ATP6V0A1: variants seen among roughly 807,000 people sequenced by gnomAD.
The protein encoded by ATP6V0A1 is ATPase H+ transporting V0 subunit a1.
A neutral mutation model predicts 105.4 loss-of-function variants in ATP6V0A1; 43 were observed. The observed-to-expected ratio is 0.41, with a 90% confidence interval of 0.32 to 0.53. ATP6V0A1 has a LOEUF of 0.53. Ranked by LOEUF, ATP6V0A1 falls within the 20% of genes least tolerant of loss-of-function variation. The pLI is 0.30. For missense variants in ATP6V0A1, 676 were observed against 1,051.1 expected (o/e 0.64, Z 4.93); for synonymous variants, 362 against 372.8 (o/e 0.97, Z 0.33).
At chr17:42,474,840 G>T (rs2088515787) in intron 5 of ATP6V0A1, among the ~76,000 whole-genome samples, 1 of 152,190 alleles carries the variant, frequency 6.6e-6, no homozygotes, top group Non-Finnish European at 1.5e-5. Flanking sequence ...GATTGGCAGG[G>T]TGTGTGTAAG....
At chr17:42,492,176 C>T (rs1427091310) in intron 11 of ATP6V0A1, among the ~76,000 whole-genome samples, 2 of 150,948 alleles carry the variant, frequency 1.3e-5, no homozygotes, top group Non-Finnish European at 1.5e-5. Flanking sequence ...TGAGACCAGC[C>T]TGGCCAACAT....
intron 21 of ATP6V0A1, among the ~76,000 whole-genome samples, chr17:42,514,686 C>G (rs2092526238): frequency 6.6e-6 from 1 of 152,136 alleles, no homozygotes; most frequent in Admixed American, 6.5e-5. Context: ...AGGGAGATGT[C>G]CCTGGTGAGT....
intron 9 of ATP6V0A1, 24 bp from the exon 10 acceptor site, chr17:42,487,131 C>G (rs532634798): frequency 1.2e-5 from 20 of 1,611,972 alleles, no homozygotes; most frequent in African/African-American, 9.3e-5. Context: ...AAGGATCCCT[C>G]GCTTGTTCCT....
chr17:42,480,228 A>C (rs2089317685), intron 7 of ATP6V0A1: 1 of 152,386 alleles, frequency 6.6e-6, no homozygotes, highest in Non-Finnish European at 1.5e-5. Context: ...GTGAGATTCT[A>C]TATCAGCATT....
intron 11 of ATP6V0A1, among the ~76,000 whole-genome samples, chr17:42,493,635 AT>A (rs994315960): frequency 2.3e-4 from 35 of 152,214 alleles, no homozygotes; most frequent in African/African-American, 8.4e-4. Flanking sequence ...ATCTAAAAAA[AT>A]ATTATTTATC....
intron 6 of ATP6V0A1, 22 bp from the exon 7 acceptor site, chr17:42,478,441 A>T (rs1476606306): frequency 6.4e-7 from 1 of 1,567,902 alleles, no homozygotes; most frequent in Non-Finnish European, 8.7e-7. Flanking sequence ...TAGAGTTTCC[A>T]ATCTGCCTCT....
At chr17:42,488,662 C>T (rs2090336596) in intron 10 of ATP6V0A1, among the ~76,000 whole-genome samples, 1 of 151,266 alleles carries the variant, frequency 6.6e-6, no homozygotes, top group Non-Finnish European at 1.5e-5. Flanking sequence ...AGGGTTTTGC[C>T]ATGTTGCCCA....
intron 19 of ATP6V0A1, chr17:42,510,563 C>T (rs1275393766): frequency 6.6e-6 from 1 of 152,368 alleles, no homozygotes; most frequent in Non-Finnish European, 1.5e-5. Flanking sequence ...GTAGGTCCAT[C>T]ACGTGTTGGG....
rs998134388 is a variant in ATP6V0A1, at chr17:42,480,769, A to G, written c.716+20A>G. 6.2e-7 allele frequency: 1 copy of G among 1,603,500 alleles called. No individual in the cohort carries two copies. Among genetic ancestry groups the G allele is most frequent in the African/African-American group, 1.3e-5 (1 of 74,600 alleles). ...TGAAGGGTAAGAGAGGCATGCCTCT[A>G]CCAGGAGTGCACAGCCATGCTGCCC... On this transcript the variant is annotated intron_variant, in intron 8 of 21. Transcript: ENST00000343619.
chr17:42,505,928 C>T (rs887252470), intron 17 of ATP6V0A1, among the ~76,000 whole-genome samples: 9 of 151,924 alleles, frequency 5.9e-5, no homozygotes, highest in African/African-American at 2.2e-4. Context: ...GCTGGGATTA[C>T]AGGCGCCCAC....
At chr17:42,508,641 C>T in intron 19 of ATP6V0A1, 52 bp downstream of exon 19, 2 of 1,611,294 alleles carry the variant, frequency 1.2e-6, no homozygotes, top group Non-Finnish European at 1.7e-6. Context: ...TCTCTCTTCC[C>T]ATCCTTGTGA....
chr17:42,460,398 GAGA>G (rs1395564744), intron 1 of ATP6V0A1: 1 of 154,898 alleles, frequency 6.5e-6, no homozygotes, highest in Non-Finnish European at 1.4e-5. Context: ...CAGTAGAAGG[GAGA>G]AGGATAGTTA....
At chr17:42,511,367 C>G (rs1350668408) in intron 19 of ATP6V0A1, 2 of 151,584 alleles carry the variant, frequency 1.3e-5, no homozygotes, top group Non-Finnish European at 2.9e-5. Context: ...AACCCCGTCT[C>G]TACTAAAAAT....
At chr17:42,518,279 T>C (rs191056649) in intron 21 of ATP6V0A1, 32 of 151,978 alleles carry the variant, frequency 2.1e-4, no homozygotes, top group African/African-American at 6.0e-4. Context: ...GATTGGGTGG[T>C]GATTAAAGGG....
At chr17:42,470,019 A>C in intron 4 of ATP6V0A1, 71 bp from the exon 5 acceptor site, 3 of 1,398,724 alleles carry the variant, frequency 2.1e-6, no homozygotes, top group Non-Finnish European at 2.9e-6. Flanking sequence ...GTTCTGTGGG[A>C]TGAATTCATT....
At chr17:42,513,999 T>A (rs760149978) in intron 20 of ATP6V0A1, 21 bp downstream of exon 20, 19 of 1,604,888 alleles carry the variant, frequency 1.2e-5, no homozygotes, top group Non-Finnish European at 1.6e-5. Context: ...CTCTCCGGGC[T>A]CCGGAACTCT....
At chr17:42,467,974 C>A in intron 3 of ATP6V0A1, 36 bp from the exon 4 acceptor site, 1 of 1,427,406 alleles carries the variant, frequency 7.0e-7, no homozygotes, top group Non-Finnish European at 9.7e-7. Context: ...CGAGCATGTG[C>A]AGTTAGACAT....
At chr17:42,506,443 T>C (rs2092029210) in intron 17 of ATP6V0A1, among the ~76,000 whole-genome samples, 1 of 152,280 alleles carries the variant, frequency 6.6e-6, no homozygotes, top group Admixed American at 6.5e-5. Flanking sequence ...ATGAGAGCTG[T>C]GGCAAAAAAT....
intron 5 of ATP6V0A1, 140 bp downstream of exon 5, chr17:42,470,358 T>A: frequency 9.8e-7 from 1 of 1,017,238 alleles, no homozygotes. Flanking sequence ...GTTACAGAAA[T>A]GTGAGATTAT....
Sources: allele counts gnomAD v4.1 joint callset (sites outside exome capture counted in the v4.1 genomes callset), GRCh38; gene constraint gnomAD v4.1.1; transcripts MANE v1.5; gene names NCBI Gene and HGNC (gene_info 2026-07-23, HGNC 2026-07-21).